The following GPC5 variants were observed in gnomAD, a reference collection of about 807,000 sequenced individuals.
GPC5 encodes glypican-5.
Under a neutral mutation model 53.9 loss-of-function variants are expected in GPC5, and 47 were observed. That is an observed-to-expected ratio of 0.87 (90% CI 0.69 to 1.11). GPC5 has a LOEUF of 1.11. GPC5 is among the 50% of genes most tolerant of loss of function. The probability of loss-of-function intolerance (pLI) is 0.00; values close to 1 mark genes in which losing one functional copy is unlikely to be tolerated. For missense variants in GPC5, 748 were observed against 713.1 expected (o/e 1.05, Z -0.56); for synonymous variants, 286 against 263.3 (o/e 1.09, Z -0.84).
At chr13:91,680,683 T>A (rs1015078794) in intron 2 of GPC5, among the ~76,000 whole-genome samples, 2 of 152,188 alleles carry the variant, frequency 1.3e-5, no homozygotes, top group Admixed American at 1.3e-4. Flanking sequence ...TTAACAATGA[T>A]CTGAAAAGCC....
intron 7 of GPC5, among the ~76,000 whole-genome samples, chr13:92,624,625 T>C (rs1224823094): frequency 2.0e-5 from 3 of 152,188 alleles, no homozygotes; most frequent in Non-Finnish European, 4.4e-5. Context: ...TTGCATTGGT[T>C]CTCTAAGCCC....
rs56913637 is a variant in GPC5, at chr13:92,610,030, CAAAAAAAA to C, written c.1562-256234_1562-256227del. On this transcript the variant is annotated intron_variant, in intron 7 of 7. Transcript: ENST00000377067. ...TGAGCAACAGAGCGAGACTCCATCTCAAAAAAAAAAAAAAAAAAAAAAAAATGAAGTTC... is the reference window on the plus strand; with the variant it reads ...TGAGCAACAGAGCGAGACTCCATCTCAAAAAAAAAAAAAAAAATGAAGTTC... Among the ~76,000 whole-genome samples, 4 of 70,838 alleles carry C rather than the reference CAAAAAAAA, an allele frequency of 5.6e-5. 1 individual carries two copies. The highest frequency in any genetic ancestry group is 1.6e-4 in the African/African-American group (3 of 18,876). 46.5% of individuals were successfully genotyped at this position (70,838 alleles called of 152,430 possible).
At chr13:92,207,080 T>G in intron 7 of GPC5, among the ~76,000 whole-genome samples, 1 of 152,328 alleles carries the variant, frequency 6.6e-6, no homozygotes, top group Middle Eastern at 3.4e-3. Flanking sequence ...ACTTCATTTG[T>G]TATTTAATTT....
intron 7 of GPC5, among the ~76,000 whole-genome samples, chr13:92,424,406 G>A (rs1372953779): frequency 6.6e-6 from 1 of 151,814 alleles, no homozygotes; most frequent in Non-Finnish European, 1.5e-5. Context: ...GTACAAATAA[G>A]CATTCAATAT....
intron 5 of GPC5, among the ~76,000 whole-genome samples, chr13:91,877,421 T>C (rs1028512566): frequency 2.6e-5 from 4 of 152,208 alleles, no homozygotes; most frequent in African/African-American, 9.6e-5. Flanking sequence ...ACCTGCCTTT[T>C]GAATCAGTGT....
chr13:92,793,969 G>A (rs1239147698), intron 7 of GPC5, among the ~76,000 whole-genome samples: 1 of 152,064 alleles, frequency 6.6e-6, no homozygotes, highest in Non-Finnish European at 1.5e-5. Context: ...ACAGGAGCTG[G>A]TACCATTCCT....
rs548459243 is a variant in GPC5, at chr13:91,634,073, G to A, written c.326-59114G>A. ...CTCAGTTGGTGTCAAGCTTGCGTAG[G>A]GAATGAGGACATCATTTATTGGCTT... On this transcript the variant is annotated intron_variant, in intron 2 of 7. Coordinates refer to ENST00000377067, the MANE Select transcript of GPC5 (RefSeq NM_004466.6). Among the ~76,000 whole-genome samples, 63 of 152,104 alleles carry A rather than the reference G, an allele frequency of 4.1e-4. No homozygotes were observed. The South Asian group carries it at 1.0e-2, about 24-fold the overall frequency.
intron 7 of GPC5, among the ~76,000 whole-genome samples, chr13:92,306,606 C>T (rs935708290): frequency 2.0e-5 from 3 of 152,196 alleles, no homozygotes; most frequent in Admixed American, 6.5e-5. Flanking sequence ...TGAAAGCATG[C>T]AGTGAATGGT....
intron 5 of GPC5, among the ~76,000 whole-genome samples, chr13:91,800,825 G>A (rs1381290045): frequency 1.4e-5 from 2 of 146,798 alleles, no homozygotes; most frequent in South Asian, 2.5e-4. Flanking sequence ...TCAACTTTAT[G>A]TGTAGTATAT....
chr13:92,037,561 C>A (rs1030300118), intron 6 of GPC5, among the ~76,000 whole-genome samples: 1 of 152,022 alleles, frequency 6.6e-6, no homozygotes, highest in Non-Finnish European at 1.5e-5. Flanking sequence ...TGCATTTACC[C>A]CGCTGGAAGG....
At chr13:92,435,193 G>GC (rs1877252755) in intron 7 of GPC5, among the ~76,000 whole-genome samples, 1 of 152,118 alleles carries the variant, frequency 6.6e-6, no homozygotes, top group African/African-American at 2.4e-5. Flanking sequence ...GGGATTACAG[G>GC]CATGAGCCAC....
intron 7 of GPC5, among the ~76,000 whole-genome samples, chr13:92,322,445 T>G (rs141028205): frequency 6.6e-6 from 1 of 152,162 alleles, no homozygotes; most frequent in Admixed American, 6.6e-5. Context: ...GTTTGGAAAA[T>G]AATTTCTGTA....
At chr13:92,274,356 C>T (rs911036963) in intron 7 of GPC5, among the ~76,000 whole-genome samples, 2 of 152,128 alleles carry the variant, frequency 1.3e-5, no homozygotes, top group African/African-American at 4.8e-5. Context: ...CACCTTCTCA[C>T]CTCTGTGTAT....
intron 7 of GPC5, among the ~76,000 whole-genome samples, chr13:92,458,984 A>T (rs1023334984): frequency 1.3e-5 from 2 of 152,054 alleles, no homozygotes. Flanking sequence ...TATGCACCCT[A>T]ATATTATCAT....
intron 7 of GPC5, chr13:92,240,220 CTG>C (rs2042601433): frequency 2.6e-5 from 4 of 151,500 alleles, no homozygotes; most frequent in African/African-American, 4.8e-5. Context: ...GCTATACAGA[CTG>C]ACTAAAAATA....
chr13:91,423,672 T>C (rs930754164), intron 1 of GPC5, among the ~76,000 whole-genome samples: 5 of 152,296 alleles, frequency 3.3e-5, no homozygotes, highest in African/African-American at 1.2e-4. Context: ...TTGCACAGCA[T>C]GGGGACTATA....
At chr13:91,513,414 G>T (rs566944851) in intron 2 of GPC5, among the ~76,000 whole-genome samples, 2 of 151,466 alleles carry the variant, frequency 1.3e-5, no homozygotes, top group South Asian at 4.2e-4. Flanking sequence ...CACATGTATG[G>T]GTTTGTGTAT....
chr13:92,169,106 G>A (rs571604284), intron 7 of GPC5, among the ~76,000 whole-genome samples: 2 of 152,170 alleles, frequency 1.3e-5, no homozygotes, highest in South Asian at 2.1e-4. Context: ...GCATGTTCTC[G>A]CTTCTAAGTG....
chr13:91,900,973 A>C (rs1192704339), intron 5 of GPC5, among the ~76,000 whole-genome samples: 5 of 152,116 alleles, frequency 3.3e-5, no homozygotes, highest in Admixed American at 3.3e-4. Flanking sequence ...GTGAACAGTG[A>C]TTAATATCCA....
Sources: allele counts gnomAD v4.1 joint callset (sites outside exome capture counted in the v4.1 genomes callset), GRCh38; gene constraint gnomAD v4.1.1; transcripts MANE v1.5; gene names NCBI Gene and HGNC (gene_info 2026-07-23, HGNC 2026-07-21).